CSK: variants seen among roughly 807,000 people sequenced by gnomAD.
CSK encodes C-terminal Src kinase.
A neutral mutation model predicts 62.3 loss-of-function variants in CSK; 7 were observed. That is an observed-to-expected ratio of 0.11 (90% CI 0.06 to 0.21). CSK has a LOEUF of 0.21. CSK is among the 10% of genes least tolerant of loss of function. The probability of loss-of-function intolerance (pLI) is 1.00; values close to 1 mark genes in which losing one functional copy is unlikely to be tolerated. For synonymous variants in CSK, 237 were observed against 246.0 expected, an observed-to-expected ratio of 0.96 and a Z score of 0.34; for missense variants, 294 against 613.5, an observed-to-expected ratio of 0.48 and a Z score of 5.50.
At chr15:74,786,588 C>T (rs1175660855) in intron 1 of CSK, among the ~76,000 whole-genome samples, 1 of 152,192 alleles carries the variant, frequency 6.6e-6, no homozygotes, top group Non-Finnish European at 1.5e-5. Context: ...CATCGGGAAA[C>T]TCATGTTAGC....
chr15:74,783,205 C>G (rs1305215096), intron 1 of CSK, among the ~76,000 whole-genome samples: 1 of 152,244 alleles, frequency 6.6e-6, no homozygotes, highest in Non-Finnish European at 1.5e-5. Context: ...GTTAGAAGCC[C>G]AGGTCCTAGG....
intron 1 of CSK, among the ~76,000 whole-genome samples, chr15:74,784,395 TTTTTATTTTA>T (rs371535326): frequency 6.6e-6 from 1 of 151,996 alleles, no homozygotes; most frequent in African/African-American, 2.4e-5. Context: ...GCCTTTTTAA[TTTTTATTTTA>T]TTTTATTTTA....
intron 1 of CSK, among the ~76,000 whole-genome samples, chr15:74,785,948 G>A (rs191785578): frequency 3.6e-4 from 55 of 151,442 alleles, no homozygotes; most frequent in Admixed American, 1.3e-4. Flanking sequence ...TTCCCCTTCC[G>A]GTCTCCCAGC....
intron 1 of CSK, among the ~76,000 whole-genome samples, chr15:74,784,375 AC>A (rs2063483732): frequency 6.6e-6 from 1 of 151,674 alleles, no homozygotes; most frequent in South Asian, 2.1e-4. Context: ...GCTCCCTCCC[AC>A]CCCAGTCAGC....
chr15:74,785,928 A>ACTCCACCC (rs1340087087), intron 1 of CSK, among the ~76,000 whole-genome samples: 1 of 148,800 alleles, frequency 6.7e-6, no homozygotes, highest in Non-Finnish European at 1.5e-5. Context: ...CCGGGACCTG[A>ACTCCACCC]CTCCACCCAT....
chr15:74,792,054 G>A (rs1002118651), intron 1 of CSK, among the ~76,000 whole-genome samples: 1 of 152,128 alleles, frequency 6.6e-6, no homozygotes, highest in Non-Finnish European at 1.5e-5. Context: ...CTCTATCATG[G>A]GGAGTGTTCA....
chr15:74,785,090 A>G (rs2063495693), intron 1 of CSK, among the ~76,000 whole-genome samples: 1 of 152,196 alleles, frequency 6.6e-6, no homozygotes, highest in Non-Finnish European at 1.5e-5. Flanking sequence ...AATTTAGAAA[A>G]TGAAACAAAA....
intron 1 of CSK, among the ~76,000 whole-genome samples, chr15:74,784,869 G>T (rs1490767435): frequency 6.6e-6 from 1 of 152,196 alleles, no homozygotes; most frequent in African/African-American, 2.4e-5. Flanking sequence ...TGTTGACTGA[G>T]TCTGGGAAAG....
intron 4 of CSK, 43 bp from the exon 5 acceptor site, chr15:74,799,229 G>A (rs1207685487): frequency 2.5e-6 from 4 of 1,570,854 alleles, no homozygotes; most frequent in Non-Finnish European, 1.7e-6. Flanking sequence ...GCCAGGGTCA[G>A]TACCTTTGGG....
chr15:74,802,036 C>T lies in CSK; in HGVS notation c.1123C>T (p.Leu375Phe), dbSNP rs2063800661. 6.2e-7 allele frequency: 1 copy of T among 1,614,146 alleles called. No individual in the cohort carries two copies. The highest frequency in any genetic ancestry group is 8.5e-7 in the Non-Finnish European group (1 of 1,180,018). ...GTCTGACGTGTGGAGTTTCGGAATC[C>T]TTCTCTGGGAAATCTACTCCTTTGG... Reference protein sequence around the residue: ...TKSDVWSFGILLWEIYSFGRV... With the variant: ...TKSDVWSFGIFLWEIYSFGRV... The change falls in exon 12 of 13, where the codon CTT (leucine) becomes TTT (phenylalanine). Residue 375 changes from leucine (L) to phenylalanine (F), a missense_variant. By Grantham distance (22) the Leu-to-Phe change is conservative. Around this residue, in one of 3 missense-constraint regions of CSK, gnomAD observed 26 missense variants for 98.4 expected, o/e 0.26. Coordinates refer to ENST00000220003, the MANE Select transcript of CSK (RefSeq NM_004383.3).
rs1340149747 is a variant in CSK, at chr15:74,799,453, G to A, written c.424G>A (p.Glu142Lys). 4.3e-6 allele frequency: 7 copies of A among 1,613,310 alleles called. No individual in the cohort carries two copies. The highest frequency in any genetic ancestry group is 2.2e-5 in the East Asian group (1 of 44,898). Residue 142 changes from glutamate to lysine, a missense_variant, in exon 5 of 13, where the codon GAG (glutamate) becomes AAG (lysine). By Grantham distance (56) the Glu-to-Lys change is moderately conservative (BLOSUM62 1). Around this residue, in one of 3 missense-constraint regions of CSK, gnomAD observed 202 missense variants for 415.7 expected, o/e 0.49. Transcript: ENST00000220003. ...CCATGCCAGCAAGCTCAGCATCGACGAGGAGGTGTACTTTGAGAACCTCAT... is the reference window on the plus strand; with the variant it reads ...CCATGCCAGCAAGCTCAGCATCGACAAGGAGGTGTACTTTGAGAACCTCAT... ...MYHASKLSIDEEVYFENLMQL... is the reference protein window; with the variant it reads ...MYHASKLSIDKEVYFENLMQL...
At chr15:74,785,327 G>C (rs1044504014) in intron 1 of CSK, among the ~76,000 whole-genome samples, 3 of 152,188 alleles carry the variant, frequency 2.0e-5, no homozygotes, top group Non-Finnish European at 4.4e-5. Context: ...GCCTGCTGCA[G>C]CGCCATCACC....
At position 74,782,088 on chromosome 15, in the gene CSK, G is replaced by C. The variant is rs972719580; in HGVS notation, c.-698G>C. Reference sequence around the variant, plus strand: ...GCGCTGCCGCGGGCGGAGGATCCGGGCCGCGCTTCCTCTCGCCAGGCCTGC... The same window carrying C: ...GCGCTGCCGCGGGCGGAGGATCCGGCCCGCGCTTCCTCTCGCCAGGCCTGC... On this transcript the variant is annotated 5_prime_UTR_variant, in exon 1 of 13. Transcript: ENST00000220003. The surrounding 1 kb of genome is among the most constrained non-coding windows in gnomAD (Gnocchi z 5.7). 1.4e-5 allele frequency: 2 copies of C among 147,766 alleles called. No individual in the cohort carries two copies. Among genetic ancestry groups the C allele is most frequent in the Admixed American group, 1.4e-4 (2 of 14,794 alleles). The allele number at this position is 147,766 out of a possible 1,614,324, so 9.2% of individuals were successfully genotyped here.
intron 1 of CSK, among the ~76,000 whole-genome samples, chr15:74,784,699 G>T (rs1023479302): frequency 3.9e-5 from 6 of 152,232 alleles, no homozygotes; most frequent in African/African-American, 1.4e-4. Context: ...GGGACAGAAT[G>T]CAGCTTCCTC....
chr15:74,794,501 G>T (rs1425069893), intron 1 of CSK, among the ~76,000 whole-genome samples: 1 of 152,184 alleles, frequency 6.6e-6, no homozygotes, highest in African/African-American at 2.4e-5. Context: ...CAGTGTCCCT[G>T]CCTAAACAGC....
At chr15:74,801,217 C>A in intron 9 of CSK, 115 bp downstream of exon 9, 1 of 1,136,342 alleles carries the variant, frequency 8.8e-7, no homozygotes, top group Non-Finnish European at 1.3e-6. Context: ...TTTAGGTCAC[C>A]AGGGCTGGGC....
chr15:74,788,428 G>GT (rs1161644647), intron 1 of CSK: 1 of 152,286 alleles, frequency 6.6e-6, no homozygotes, highest in East Asian at 1.9e-4. Context: ...CACACAGCTA[G>GT]TTCCTCCTCT....
At chr15:74,789,663 T>A (rs1022464983) in intron 1 of CSK, among the ~76,000 whole-genome samples, 4 of 152,204 alleles carry the variant, frequency 2.6e-5, no homozygotes, top group Non-Finnish European at 5.9e-5. Context: ...TTCTTCAGTC[T>A]TCATTAACTC....
intron 1 of CSK, among the ~76,000 whole-genome samples, chr15:74,789,294 A>G (rs1176833922): frequency 2.6e-5 from 4 of 152,144 alleles, no homozygotes; most frequent in Non-Finnish European, 5.9e-5. Flanking sequence ...AGGTGTAGGC[A>G]TCTCCAAGAC....
Sources: allele counts gnomAD v4.1 joint callset (sites outside exome capture counted in the v4.1 genomes callset), GRCh38; gene constraint gnomAD v4.1.1; regional missense constraint gnomAD v4.1.1; non-coding constraint Gnocchi (gnomAD v3.1); transcripts MANE v1.5; gene names NCBI Gene and HGNC (gene_info 2026-07-23, HGNC 2026-07-21).